The following PPFIBP1 variants were observed in gnomAD, a reference collection of about 807,000 sequenced individuals.
PPFIBP1 encodes the protein liprin-beta-1.
In PPFIBP1, 112 loss-of-function variants were observed where a neutral mutation model predicts 137.8. The ratio of observed to expected loss-of-function variants is 0.81; its 90% CI spans 0.70 to 0.95. The LOEUF (loss-of-function observed/expected upper bound fraction) is 0.95. PPFIBP1 is among the 40% of genes least tolerant of loss of function. The probability of loss-of-function intolerance (pLI) is 0.00; values close to 1 mark genes in which losing one functional copy is unlikely to be tolerated. For missense variants in PPFIBP1, 1,083 were observed against 1,196.6 expected (o/e 0.91, Z 1.40); for synonymous variants, 378 against 417.3 (o/e 0.91, Z 1.15).
chr12:27,686,267 T>C lies in PPFIBP1; in HGVS notation c.2248-1118T>C, dbSNP rs1378082722. On this transcript the variant is annotated intron_variant, in intron 24 of 29. Transcript: ENST00000228425. ...GTAGTAGATTACATTTTTTTCTTTCTTTCATGAGAAGTGTTTTATCAGAAA... is the reference window on the plus strand; with the variant it reads ...GTAGTAGATTACATTTTTTTCTTTCCTTCATGAGAAGTGTTTTATCAGAAA... 2.6e-5 allele frequency among the ~76,000 whole-genome samples: 4 copies of C among 152,350 alleles called. No individual in the cohort carries two copies. The East Asian group carries it at 7.7e-4, about 29-fold the overall frequency.
intron 4 of PPFIBP1, among the ~76,000 whole-genome samples, chr12:27,643,881 G>A (rs2058282866): frequency 7.7e-6 from 1 of 130,258 alleles, no homozygotes. Flanking sequence ...CATTATGAGT[G>A]CTTGTAAATA....
intron 2 of PPFIBP1, among the ~76,000 whole-genome samples, chr12:27,612,393 G>C (rs2138196493): frequency 7.2e-6 from 1 of 138,518 alleles, no homozygotes; most frequent in Admixed American, 7.6e-5. Context: ...AAGTGCAATG[G>C]TGCAATCACA....
chr12:27,686,967 A>T (rs559278330), intron 24 of PPFIBP1, among the ~76,000 whole-genome samples: 32 of 152,218 alleles, frequency 2.1e-4, no homozygotes, highest in African/African-American at 7.7e-4. Context: ...GGAAACAGAG[A>T]GGGCAGTTTA....
intron 24 of PPFIBP1, 83 bp downstream of exon 24, chr12:27,682,786 G>A: frequency 6.3e-7 from 1 of 1,593,820 alleles, no homozygotes; most frequent in African/African-American, 1.3e-5. Context: ...CAAACACAGT[G>A]TTTTCAGTGA....
chr12:27,645,969 C>A, intron 4 of PPFIBP1, 93 bp from the exon 5 acceptor site: 3 of 893,100 alleles, frequency 3.4e-6, no homozygotes, highest in Non-Finnish European at 5.3e-6. Flanking sequence ...TCAATTCAGG[C>A]CCCTTGGACT....
At chr12:27,623,968 A>G (rs2056577328) in intron 2 of PPFIBP1, among the ~76,000 whole-genome samples, 1 of 152,170 alleles carries the variant, frequency 6.6e-6, no homozygotes, top group African/African-American at 2.4e-5. Context: ...AGCTTCATCC[A>G]GGAGACAATC....
At chr12:27,571,627 T>C (rs764347423) in intron 1 of PPFIBP1, among the ~76,000 whole-genome samples, 1 of 152,206 alleles carries the variant, frequency 6.6e-6, no homozygotes, top group Non-Finnish European at 1.5e-5. Flanking sequence ...GCCAACCCAC[T>C]TTTCAGACCT....
chr12:27,567,402 C>G (rs1358666453), intron 1 of PPFIBP1, among the ~76,000 whole-genome samples: 4 of 152,152 alleles, frequency 2.6e-5, no homozygotes, highest in Admixed American at 2.6e-4. Context: ...TGGGGTGATG[C>G]TGGCATAGAA....
At chr12:27,657,929 G>C (rs1565955176) in intron 9 of PPFIBP1, among the ~76,000 whole-genome samples, 1 of 151,918 alleles carries the variant, frequency 6.6e-6, no homozygotes, top group African/African-American at 2.4e-5. Context: ...GCAACACAAT[G>C]AGACCCTGTC....
intron 2 of PPFIBP1, among the ~76,000 whole-genome samples, chr12:27,601,651 C>T (rs1020420197): frequency 6.6e-5 from 10 of 151,298 alleles, no homozygotes; most frequent in Non-Finnish European, 1.3e-4. Flanking sequence ...TCCCTGCAGC[C>T]ATGCTGCCTC....
chr12:27,615,186 C>T (rs574684450), intron 2 of PPFIBP1, among the ~76,000 whole-genome samples: 2 of 152,296 alleles, frequency 1.3e-5, no homozygotes, highest in South Asian at 4.2e-4. Flanking sequence ...TCCTATTATC[C>T]AGCTTTAACT....
Position 27,563,775 on chromosome 12 carries a change from A to G in PPFIBP1, c.-123-14377A>G, listed in dbSNP as rs531781898. Among the ~76,000 whole-genome samples, 45 of 151,932 alleles carry G rather than the reference A, an allele frequency of 3.0e-4. No individual in the cohort carries two copies. The South Asian group carries it at 4.8e-3, about 16-fold the overall frequency. ...CTGCATTTAATATGTCATTGTGCAT[A>G]TGTGGGGTTTTTTTGTTTTTTAACA... On this transcript the variant is annotated intron_variant, in intron 1 of 29. Coordinates refer to ENST00000228425, the MANE Select transcript of PPFIBP1 (RefSeq NM_003622.4).
chr12:27,647,293 G>A (rs1317249930), intron 5 of PPFIBP1, among the ~76,000 whole-genome samples: 1 of 151,946 alleles, frequency 6.6e-6, no homozygotes, highest in Non-Finnish European at 1.5e-5. Flanking sequence ...GAGCCACCGT[G>A]CATGCTACCT....
intron 4 of PPFIBP1, among the ~76,000 whole-genome samples, chr12:27,645,508 A>G (rs2058410902): frequency 6.6e-6 from 1 of 152,224 alleles, no homozygotes; most frequent in Admixed American, 6.5e-5. Flanking sequence ...TACACAGAGC[A>G]CTGAGCCAGA....
intron 4 of PPFIBP1, among the ~76,000 whole-genome samples, chr12:27,643,577 C>G (rs1310710498): frequency 1.7e-5 from 2 of 117,950 alleles, no homozygotes; most frequent in East Asian, 5.1e-4. Flanking sequence ...ACGGTCCGTG[C>G]AGAAGGAATA....
chr12:27,618,498 G>A (rs1399044293), intron 2 of PPFIBP1, among the ~76,000 whole-genome samples: 1 of 152,154 alleles, frequency 6.6e-6, no homozygotes, highest in African/African-American at 2.4e-5. Flanking sequence ...TCTTAACCCA[G>A]ACATCCCTTT....
At chr12:27,668,024 C>T (rs1420076794) in intron 13 of PPFIBP1, among the ~76,000 whole-genome samples, 2 of 152,146 alleles carry the variant, frequency 1.3e-5, no homozygotes, top group Non-Finnish European at 2.9e-5. Flanking sequence ...TCTTGATGAA[C>T]AACTGACAAC....
Position 27,633,355 on chromosome 12 carries a change from T to C in PPFIBP1, c.-35-7T>C, listed in dbSNP as rs571778937. On this transcript the variant is annotated splice_polypyrimidine_tract_variant and splice_region_variant and intron_variant, in intron 2 of 29. Coordinates refer to ENST00000228425, the MANE Select transcript of PPFIBP1 (RefSeq NM_003622.4). ...ATGGATGTAATGATAACCTTATTTT[T>C]TTTCAGATCTGGGTTGGAATTTGCC... 16 of 1,590,154 alleles carry C rather than the reference T, an allele frequency of 1.0e-5. No homozygotes were observed. In the South Asian group the frequency reaches 1.8e-4, roughly 18 times the overall value.
At chr12:27,677,454 G>A (rs1487074273) in intron 19 of PPFIBP1, 1 of 269,166 alleles carries the variant, frequency 3.7e-6, no homozygotes, top group Non-Finnish European at 7.1e-6. Flanking sequence ...GGTCCTTGCA[G>A]TCCGTTCTCC....
Sources: allele counts gnomAD v4.1 joint callset (sites outside exome capture counted in the v4.1 genomes callset), GRCh38; gene constraint gnomAD v4.1.1; transcripts MANE v1.5; gene names NCBI Gene and HGNC (gene_info 2026-07-23, HGNC 2026-07-21).